The following EDIL3 variants were observed in gnomAD, a reference collection of about 807,000 sequenced individuals.
The protein encoded by EDIL3 is EGF-like repeat and discoidin I-like domain-containing protein 3.
A neutral mutation model predicts 67.4 loss-of-function variants in EDIL3; 37 were observed. The observed-to-expected ratio is 0.55, with a 90% confidence interval of 0.42 to 0.72. EDIL3 has a LOEUF of 0.72. Ranked by LOEUF, EDIL3 falls within the 30% of genes least tolerant of loss-of-function variation. EDIL3 has a pLI of 0.00. For missense variants in EDIL3, 527 were observed against 586.3 expected (o/e 0.90, Z 1.04); for synonymous variants, 195 against 196.3 (o/e 0.99, Z 0.05).
intron 5 of EDIL3, among the ~76,000 whole-genome samples, chr5:84,133,603 G>A (rs1187948420): frequency 6.6e-6 from 1 of 151,694 alleles, no homozygotes; most frequent in Non-Finnish European, 1.5e-5. Context: ...CTCCAGCCTG[G>A]GCGACAGAGT....
intron 4 of EDIL3, among the ~76,000 whole-genome samples, chr5:84,159,564 A>G (rs1748567235): frequency 6.6e-6 from 1 of 152,010 alleles, no homozygotes; most frequent in Admixed American, 6.6e-5. Flanking sequence ...CATATATCCC[A>G]GTAGTAAAAT....
intron 1 of EDIL3, among the ~76,000 whole-genome samples, chr5:84,321,473 T>C (rs998883231): frequency 1.3e-5 from 2 of 152,096 alleles, no homozygotes; most frequent in African/African-American, 2.4e-5. Context: ...TCTCAGAATG[T>C]TTGATGGAAC....
In EDIL3 at chr5:83,963,199, A is replaced by T. The variant is rs1438889331; in HGVS notation, c.1293+6T>A. ...TGAACTTTATAAACCGATTTGGCTGACTTACCTTATCTTTTCTTTGCTTTT... is the reference window on the plus strand; with the variant it reads ...TGAACTTTATAAACCGATTTGGCTGTCTTACCTTATCTTTTCTTTGCTTTT... On this transcript the variant is annotated splice_donor_region_variant and intron_variant, in intron 10 of 10. Transcript: ENST00000296591. The T allele has an allele frequency of 5.0e-6, 8 of 1,587,722 alleles. No homozygotes were observed. Among genetic ancestry groups the T allele is most frequent in the Non-Finnish European group, 6.8e-6 (8 of 1,169,578 alleles).
rs73769785 is a variant in EDIL3 at position 84,246,266 on chromosome 5, C to T, written c.196+7818G>A. 4.7e-3 allele frequency among the ~76,000 whole-genome samples: 719 copies of T among 152,256 alleles called. 3 individuals carry two copies. Among genetic ancestry groups the T allele is most frequent in the African/African-American group, 0.016 (668 of 41,564 alleles). ...TGTTGTTAGCTACTGTGAGGCAAGC[C>T]GAGATTTGAAAAGTGCCTTTTAGGA... On this transcript the variant is annotated intron_variant, in intron 2 of 10. Coordinates refer to ENST00000296591, the MANE Select transcript of EDIL3 (RefSeq NM_005711.5).
chr5:84,046,921 C>T (rs908887575), intron 9 of EDIL3, among the ~76,000 whole-genome samples: 1 of 152,114 alleles, frequency 6.6e-6, no homozygotes, highest in African/African-American at 2.4e-5. Context: ...CATTCAACAT[C>T]CTACACTTCT....
chr5:84,060,588 C>A, intron 8 of EDIL3, 104 bp from the exon 9 acceptor site: 4 of 1,225,050 alleles, frequency 3.3e-6, no homozygotes, highest in Non-Finnish European at 1.1e-6. Flanking sequence ...TAATGCTATT[C>A]ATTCCTCCAA....
At chr5:84,315,849 G>T (rs979085466) in intron 1 of EDIL3, among the ~76,000 whole-genome samples, 1 of 152,108 alleles carries the variant, frequency 6.6e-6, no homozygotes, top group Non-Finnish European at 1.5e-5. Flanking sequence ...AGTGCTAAGG[G>T]CAGCCAGAGA....
intron 9 of EDIL3, among the ~76,000 whole-genome samples, chr5:83,994,856 A>G (rs2112163073): frequency 6.6e-6 from 1 of 152,272 alleles, no homozygotes; most frequent in Non-Finnish European, 1.5e-5. Flanking sequence ...CAGGGTTTTT[A>G]TTCTGCAAAT....
At chr5:84,103,351 A>G (rs140392786) in intron 6 of EDIL3, among the ~76,000 whole-genome samples, 21 of 152,298 alleles carry the variant, frequency 1.4e-4, no homozygotes, top group African/African-American at 5.1e-4. Context: ...ATTGCAACAA[A>G]AGCAAAAAAT....
chr5:84,216,119 C>A (rs1744220449), intron 3 of EDIL3, among the ~76,000 whole-genome samples: 1 of 152,052 alleles, frequency 6.6e-6, no homozygotes, highest in South Asian at 2.1e-4. Flanking sequence ...ACCTGGTGGA[C>A]TAAATGTAGA....
intron 1 of EDIL3, among the ~76,000 whole-genome samples, chr5:84,344,613 A>G (rs1747199953): frequency 6.6e-6 from 1 of 152,122 alleles, no homozygotes; most frequent in African/African-American, 2.4e-5. Flanking sequence ...TAAAATACAT[A>G]CCAGTTTACA....
rs149012563 is a variant in EDIL3, at chr5:83,961,749, T to C, written c.1293+1456A>G. 8.5e-3 allele frequency among the ~76,000 whole-genome samples: 1,292 copies of C among 151,422 alleles called. 10 individuals carry two copies. Among genetic ancestry groups the C allele is most frequent in the Non-Finnish European group, 0.014 (963 of 67,448 alleles). On this transcript the variant is annotated intron_variant, in intron 10 of 10. Coordinates refer to ENST00000296591, the MANE Select transcript of EDIL3 (RefSeq NM_005711.5). ...GGTAAAAGACAGGAAGTGAAATAGT[T>C]ATTTGCAATAAATCATGGCAAACAC...
intron 9 of EDIL3, among the ~76,000 whole-genome samples, chr5:83,989,498 GA>G (rs1168485536): frequency 6.6e-6 from 1 of 152,210 alleles, no homozygotes; most frequent in East Asian, 1.9e-4. Context: ...CCTGGGAAGT[GA>G]ATATGGAGTA....
At chr5:83,958,433 C>A (rs1744551911) in intron 10 of EDIL3, among the ~76,000 whole-genome samples, 1 of 151,322 alleles carries the variant, frequency 6.6e-6, no homozygotes, top group South Asian at 2.1e-4. Flanking sequence ...CTTTAAGGAC[C>A]AAGAAAGTAT....
At chr5:84,336,376 G>C (rs949558207) in intron 1 of EDIL3, among the ~76,000 whole-genome samples, 2 of 152,118 alleles carry the variant, frequency 1.3e-5, no homozygotes, top group African/African-American at 4.8e-5. Context: ...TGTGAGTTAT[G>C]GTCTGTAACT....
chr5:84,233,117 GTA>G (rs1175737727), intron 2 of EDIL3, among the ~76,000 whole-genome samples: 1 of 152,062 alleles, frequency 6.6e-6, no homozygotes, highest in Non-Finnish European at 1.5e-5. Context: ...ACAAATAAGT[GTA>G]TTGCTCCACT....
intron 9 of EDIL3, among the ~76,000 whole-genome samples, chr5:84,055,411 G>C (rs1164791412): frequency 6.8e-6 from 1 of 146,428 alleles, no homozygotes; most frequent in African/African-American, 2.7e-5. Context: ...AGGACTTCAT[G>C]TCTAAAACAC....
intron 10 of EDIL3, 147 bp downstream of exon 10, chr5:83,963,058 A>C: frequency 1.8e-6 from 2 of 1,098,356 alleles, no homozygotes; most frequent in Non-Finnish European, 2.4e-6. Context: ...TTACAGTACT[A>C]TTCTTTAAAG....
At chr5:84,008,900 C>T (rs867706413) in intron 9 of EDIL3, among the ~76,000 whole-genome samples, 47 of 152,136 alleles carry the variant, frequency 3.1e-4, no homozygotes, top group South Asian at 6.2e-4. Context: ...GCAACCTCCG[C>T]CTCCCAGGCT....
Sources: allele counts gnomAD v4.1 joint callset (sites outside exome capture counted in the v4.1 genomes callset), GRCh38; gene constraint gnomAD v4.1.1; transcripts MANE v1.5; gene names NCBI Gene and HGNC (gene_info 2026-07-23, HGNC 2026-07-21).